SNCAIP: variants seen among roughly 807,000 people sequenced by gnomAD.
SNCAIP encodes synphilin-1.
Under a neutral mutation model 86.7 loss-of-function variants are expected in SNCAIP, and 43 were observed. The observed-to-expected ratio is 0.50, with a 90% CI of 0.39 to 0.64. The LOEUF is 0.64. Among genes scored for constraint, SNCAIP ranks in the 30% least tolerant of loss-of-function variants. SNCAIP has a pLI of 0.00. For synonymous variants in SNCAIP, 417 were observed against 427.2 expected (o/e 0.98, Z 0.29); for missense variants, 981 against 1,103.1 (o/e 0.89, Z 1.57).
At chr5:122,370,132 T>C (rs1203641328) in intron 1 of SNCAIP, 1 of 152,144 alleles carries the variant, frequency 6.6e-6, no homozygotes, top group Admixed American at 6.6e-5. Context: ...GTTACTCCAA[T>C]TTGATCATTA....
At chr5:122,415,991 C>G (rs1775234810) in intron 3 of SNCAIP, among the ~76,000 whole-genome samples, 3 of 152,152 alleles carry the variant, frequency 2.0e-5, no homozygotes. Flanking sequence ...TTTCTGCACC[C>G]CACCAATTGC....
chr5:122,382,289 A>G (rs1428681557), intron 1 of SNCAIP, among the ~76,000 whole-genome samples: 1 of 151,750 alleles, frequency 6.6e-6, no homozygotes, highest in African/African-American at 2.4e-5. Flanking sequence ...CATTTCATTC[A>G]TTTCATCTTC....
rs540046166 is a variant in SNCAIP, at chr5:122,438,206, A to G, written c.1297-2423A>G. On this transcript the variant is annotated intron_variant, in intron 6 of 10. Coordinates refer to ENST00000261368, the MANE Select transcript of SNCAIP (RefSeq NM_005460.4). ...CTTCTTATAATGTTGATGAGAAGAA[A>G]AAAACCAGTTCCCAGCCAGGGCCAC... Among the ~76,000 whole-genome samples the G allele has an allele frequency of 2.1e-4, 32 of 152,326 alleles. No individual in the cohort carries two copies. The East Asian group carries it at 5.8e-3, about 28-fold the overall frequency.
chr5:122,444,074 A>G (rs1561786021), intron 7 of SNCAIP: 1 of 456,968 alleles, frequency 2.2e-6, no homozygotes, highest in South Asian at 1.5e-5. Flanking sequence ...CAGCCATGTC[A>G]TTTCTTTCCA....
intron 5 of SNCAIP, among the ~76,000 whole-genome samples, chr5:122,426,492 TTTTAA>T (rs1326080537): frequency 1.3e-5 from 2 of 152,226 alleles, no homozygotes; most frequent in African/African-American, 4.8e-5. Context: ...TTTTTTGTAT[TTTTAA>T]TTTGATGATT....
intron 1 of SNCAIP, among the ~76,000 whole-genome samples, chr5:122,382,854 GGGGGTCA>G (rs1323518552): frequency 2.0e-5 from 3 of 152,240 alleles, no homozygotes; most frequent in African/African-American, 7.2e-5. Flanking sequence ...TAGCCTGCTC[GGGGGTCA>G]GGGGTCAGGG....
intron 5 of SNCAIP, among the ~76,000 whole-genome samples, chr5:122,429,365 T>C (rs1777943340): frequency 6.9e-6 from 1 of 144,728 alleles, no homozygotes; most frequent in South Asian, 2.2e-4. Context: ...AAATAAAAAA[T>C]AGAAAAATAA....
chr5:122,412,723 A>G (rs1369634376), intron 3 of SNCAIP, among the ~76,000 whole-genome samples: 1 of 152,066 alleles, frequency 6.6e-6, no homozygotes, highest in East Asian at 1.9e-4. Context: ...GGCCCACTCA[A>G]TGTCTACATT....
chr5:122,380,838 T>C (rs1330255680), intron 1 of SNCAIP, among the ~76,000 whole-genome samples: 2 of 152,214 alleles, frequency 1.3e-5, no homozygotes, highest in Non-Finnish European at 2.9e-5. Flanking sequence ...AGTTTCCATG[T>C]AGTTGAGCAG....
chr5:122,459,432 C>G (rs1785568488), intron 10 of SNCAIP, among the ~76,000 whole-genome samples: 2 of 151,956 alleles, frequency 1.3e-5, no homozygotes, highest in African/African-American at 4.8e-5. Context: ...GATTTCATAT[C>G]CAAAAATGAA....
chr5:122,410,166 GA>G (rs1177240657), intron 3 of SNCAIP, among the ~76,000 whole-genome samples: 1 of 152,118 alleles, frequency 6.6e-6, no homozygotes, highest in Non-Finnish European at 1.5e-5. Flanking sequence ...AAGGTGATAT[GA>G]TCCATTATTT....
At chr5:122,434,817 T>C (rs1779063751) in intron 6 of SNCAIP, among the ~76,000 whole-genome samples, 1 of 152,166 alleles carries the variant, frequency 6.6e-6, no homozygotes, top group South Asian at 2.1e-4. Context: ...AAGACTGTTA[T>C]TGAACGGTTT....
intron 1 of SNCAIP, among the ~76,000 whole-genome samples, chr5:122,370,394 G>T (rs1328067065): frequency 6.6e-6 from 1 of 151,640 alleles, no homozygotes; most frequent in African/African-American, 2.4e-5. Context: ...ATGTATGTAT[G>T]TAATACAATG....
At chr5:122,391,568 C>G (rs1220633761) in intron 2 of SNCAIP, among the ~76,000 whole-genome samples, 1 of 152,184 alleles carries the variant, frequency 6.6e-6, no homozygotes, top group Non-Finnish European at 1.5e-5. Flanking sequence ...CACAGGGACA[C>G]TGACTAAAGA....
At chr5:122,398,215 G>A (rs1771030428) in intron 2 of SNCAIP, among the ~76,000 whole-genome samples, 1 of 152,166 alleles carries the variant, frequency 6.6e-6, no homozygotes, top group African/African-American at 2.4e-5. Flanking sequence ...TAAGACCAGA[G>A]GAGAAAGCCA....
intron 1 of SNCAIP, among the ~76,000 whole-genome samples, chr5:122,357,728 T>C (rs529056763): frequency 7.2e-5 from 11 of 152,044 alleles, no homozygotes; most frequent in African/African-American, 2.2e-4. Context: ...TTCTGTAGAA[T>C]AGCCACTAGC....
chr5:122,452,132 C>T lies in SNCAIP; in HGVS notation c.2754+531C>T, dbSNP rs529795546. Reference sequence around the variant, plus strand: ...CAGGGACCTCCACATAGGTATTTTACAACACAGACTCCTAAGTGTTGATTG... The same window carrying T: ...CAGGGACCTCCACATAGGTATTTTATAACACAGACTCCTAAGTGTTGATTG... On this transcript the variant is annotated intron_variant, in intron 10 of 10. Transcript: ENST00000261368. 3.9e-5 allele frequency among the ~76,000 whole-genome samples: 6 copies of T among 152,320 alleles called. No individual in the cohort carries two copies. In the East Asian group the frequency reaches 9.6e-4, roughly 24 times the overall value.
chr5:122,443,909 A>G (rs982783543), intron 7 of SNCAIP, among the ~76,000 whole-genome samples: 8 of 152,092 alleles, frequency 5.3e-5, no homozygotes, highest in African/African-American at 1.4e-4. Context: ...GGGGCAGCCT[A>G]TTGCCAATTG....
At chr5:122,349,933 C>T (rs1048780391) in intron 1 of SNCAIP, among the ~76,000 whole-genome samples, 1 of 152,184 alleles carries the variant, frequency 6.6e-6, no homozygotes, top group African/African-American at 2.4e-5. Flanking sequence ...CAGCCCTTTG[C>T]TCCCCCATCA....
Sources: allele counts gnomAD v4.1 joint callset (sites outside exome capture counted in the v4.1 genomes callset), GRCh38; gene constraint gnomAD v4.1.1; transcripts MANE v1.5; gene names NCBI Gene and HGNC (gene_info 2026-07-23, HGNC 2026-07-21).